MGAM: variants seen among roughly 807,000 people sequenced by gnomAD.
MGAM encodes maltase-glucoamylase, also known as alpha-1,4-glucosidase.
MGAM carries 253 observed loss-of-function variants against 358.8 expected under a neutral mutation model. The observed-to-expected ratio is 0.71, with a 90% CI of 0.64 to 0.78. MGAM has a LOEUF of 0.78. Ranked by LOEUF, MGAM falls within the 30% of genes least tolerant of loss-of-function variation. MGAM has a pLI of 0.00. For synonymous variants in MGAM, 1,105 were observed against 1,227.1 expected, an observed-to-expected ratio of 0.90 and a Z score of 2.08; for missense variants, 3,080 against 3,432.6, an observed-to-expected ratio of 0.90 and a Z score of 2.57.
chr7:142,043,728 T>TATAATATATACATTATATACACATACGAC (rs1563151735), intron 21 of MGAM, among the ~76,000 whole-genome samples: 1 of 85,376 alleles, frequency 1.2e-5, no homozygotes, highest in African/African-American at 3.6e-5. Flanking sequence ...ATATGTAATA[T>TATAATATATACATTATATACACATACGAC]ATAATATATA....
chr7:142,062,923 G>T (rs983131654), intron 35 of MGAM, among the ~76,000 whole-genome samples: 4 of 152,202 alleles, frequency 2.6e-5, no homozygotes, highest in Non-Finnish European at 5.9e-5. Context: ...GCGGGACCAG[G>T]CGTGGTGGTT....
chr7:142,038,482 C>A, intron 18 of MGAM, 49 bp from the exon 19 acceptor site: 1 of 1,408,990 alleles, frequency 7.1e-7, no homozygotes, highest in Non-Finnish European at 9.8e-7. Flanking sequence ...TGCTACAAAT[C>A]TCATTGGCAG....
In MGAM at chr7:142,098,048, CTCTG is replaced by C. The variant is rs537452297; in HGVS notation, c.7749+403_7749+406del. On this transcript the variant is annotated intron_variant, in intron 66 of 70. Coordinates refer to ENST00000475668, the MANE Select transcript of MGAM (RefSeq NM_001365693.1). ...TTTGTAAGCATAGAGGCCTTTTTGT[CTCTG>C]TCTTTTTATTAAATATCTCCTTCCA... Among the ~76,000 whole-genome samples, 250 of 152,100 alleles carry C rather than the reference CTCTG, an allele frequency of 1.6e-3. 4 individuals carry two copies. Among genetic ancestry groups the C allele is most frequent in the African/African-American group, 5.9e-3 (245 of 41,510 alleles).
chr7:141,986,612 G>A (rs1217421857), intron 2 of MGAM, among the ~76,000 whole-genome samples: 1 of 152,088 alleles, frequency 6.6e-6, no homozygotes, highest in Non-Finnish European at 1.5e-5. Flanking sequence ...GGGGACTGAG[G>A]GGAAATATAC....
chr7:141,995,471 A>G (rs1297040120), upstream of MGAM, among the ~76,000 whole-genome samples: 1 of 152,232 alleles, frequency 6.6e-6, no homozygotes, highest in Non-Finnish European at 1.5e-5. Flanking sequence ...TTCCATCACA[A>G]TCATCAGATT....
chr7:142,042,871 C>T (rs190413043), intron 21 of MGAM, among the ~76,000 whole-genome samples: 3,270 of 30,714 alleles, frequency 0.11, 109 homozygotes, highest in Non-Finnish European at 0.16. Flanking sequence ...ATAATATCTA[C>T]ATTATATATA....
intron 65 of MGAM, among the ~76,000 whole-genome samples, 161 bp downstream of exon 65, chr7:142,096,576 T>A (rs1276897504): frequency 6.6e-6 from 1 of 152,232 alleles, no homozygotes; most frequent in Non-Finnish European, 1.5e-5. Context: ...CACTTAGGTG[T>A]TCTTGGCCTC....
rs201786618 is a variant in MGAM, at chr7:142,038,570, G to T, written c.2271G>T (p.Gln757His). The change falls in exon 19 of 71, where the codon CAG (glutamine) becomes CAT (histidine). Residue 757 changes from glutamine (Q) to histidine (H), a missense_variant. Physicochemically the swap from Gln to His is conservative, Grantham distance 24. Around this residue, in one of 5 missense-constraint regions of MGAM, gnomAD observed 1,816 missense variants for 1,840.5 expected, o/e 0.99. Transcript: ENST00000475668. ...ACAGCACTTGGGATGTGCACCAACAGTTCTTATGGGGGCCCGGCCTCCTCA... is the reference window on the plus strand; with the variant it reads ...ACAGCACTTGGGATGTGCACCAACATTTCTTATGGGGGCCCGGCCTCCTCA... ...EDNSTWDVHQQFLWGPGLLIT... is the reference protein window; with the variant it reads ...EDNSTWDVHQHFLWGPGLLIT... The T allele has an allele frequency of 1.0e-4, 161 of 1,611,612 alleles. No individual in the cohort carries two copies. Among genetic ancestry groups the T allele is most frequent in the Non-Finnish European group, 1.3e-4 (155 of 1,178,924 alleles).
At chr7:142,027,462 G>A in intron 9 of MGAM, 148 bp from the exon 10 acceptor site, 1 of 966,904 alleles carries the variant, frequency 1.0e-6, no homozygotes, top group Non-Finnish European at 1.5e-6. Context: ...CATTTATGAA[G>A]GGGCTGGAAA....
rs1221767736 is a variant in MGAM, at chr7:142,041,882, ACGTATAATATAT to A, written c.2498+1037_2498+1048del. The stretch of plus-strand genomic sequence containing the variant: ...CATTTTATATATATATTATATATAT[ACGTATAATATAT>A]AATATATATATTATATATATACGTA... On this transcript the variant is annotated intron_variant, in intron 21 of 70. Transcript: ENST00000475668. Among the ~76,000 whole-genome samples, 7 of 71,126 alleles carry A rather than the reference ACGTATAATATAT, an allele frequency of 9.8e-5. No homozygotes were observed. The East Asian group carries it at 2.0e-3, about 21-fold the overall frequency. 46.7% of individuals were successfully genotyped at this position (71,126 alleles called of 152,430 possible).
intron 57 of MGAM, among the ~76,000 whole-genome samples, chr7:142,089,236 C>T (rs1347122475): frequency 2.1e-5 from 3 of 145,976 alleles, no homozygotes; most frequent in African/African-American, 7.3e-5. Context: ...GGCAACACTG[C>T]CATCCTGAGG....
chr7:142,051,475 G>A (rs1193008872), intron 24 of MGAM, among the ~76,000 whole-genome samples: 1 of 152,112 alleles, frequency 6.6e-6, no homozygotes, highest in Non-Finnish European at 1.5e-5. Context: ...CTCCAGACAA[G>A]TGAGAACTTT....
chr7:142,086,834 G>A lies in MGAM; in HGVS notation c.6810+117G>A. On this transcript the variant is annotated intron_variant, in intron 57 of 70. Transcript: ENST00000475668. ...GGGCTTGGCAAGGGAGAAACACTTA[G>A]GGCATGTGTGTTGGATGTCAGTCTG... is the stretch of plus-strand genomic sequence containing the variant. 2 of 479,498 alleles carry A rather than the reference G, an allele frequency of 4.2e-6. 1 individual carries two copies. Among genetic ancestry groups the A allele is most frequent in the South Asian group, 5.3e-5 (2 of 37,842 alleles). 29.7% of individuals were successfully genotyped at this position (479,498 alleles called of 1,614,324 possible).
At chr7:142,043,868 TATACACATAC>T (rs1809490804) in intron 21 of MGAM, among the ~76,000 whole-genome samples, 2 of 116,008 alleles carry the variant, frequency 1.7e-5, no homozygotes, top group African/African-American at 5.8e-5. Context: ...ATATACATTA[TATACACATAC>T]GACGTATAAT....
At chr7:142,088,752 T>A (rs1218793978) in intron 57 of MGAM, among the ~76,000 whole-genome samples, 1 of 21,798 alleles carries the variant, frequency 4.6e-5, no homozygotes, top group African/African-American at 1.2e-4. Context: ...TGTCTGTCTA[T>A]CTATCTATCT....
chr7:142,027,807 T>G, intron 10 of MGAM, 72 bp downstream of exon 10: 1 of 1,398,910 alleles, frequency 7.1e-7, no homozygotes. Context: ...CTGTTTATAT[T>G]TTCTCTCCCT....
In MGAM at chr7:142,063,414, A is replaced by G. The variant is rs1812418193; in HGVS notation, c.4258-85A>G. Reference sequence around the variant, plus strand: ...CTACAGAGATTACTGGATGTTGAACAATTTATTCACTACTTCCTTGGCTCA... The same window carrying G: ...CTACAGAGATTACTGGATGTTGAACGATTTATTCACTACTTCCTTGGCTCA... On this transcript the variant is annotated intron_variant, in intron 35 of 70. Transcript: ENST00000475668. 2.0e-6 allele frequency: 3 copies of G among 1,501,508 alleles called. No homozygotes were observed. In the Admixed American group the frequency reaches 5.9e-5, roughly 29 times the overall value. 93.0% of individuals were successfully genotyped at this position (1,501,508 alleles called of 1,614,324 possible).
At position 142,030,381 on chromosome 7, in the gene MGAM, T is replaced by C. The variant is rs1807366213; in HGVS notation, c.1241T>C (p.Ile414Thr). The C allele has an allele frequency of 1.2e-6, 2 of 1,613,272 alleles. No homozygotes were observed. The highest frequency in any genetic ancestry group is 1.7e-6 in the Non-Finnish European group (2 of 1,179,566). The change falls in exon 11 of 71, where the codon ATT (isoleucine) becomes ACT (threonine). Residue 414 changes from isoleucine (I) to threonine (T), a missense_variant. Physicochemically the swap from Ile to Thr is moderately conservative, Grantham distance 89 (BLOSUM62 -1). Coordinates refer to ENST00000475668, the MANE Select transcript of MGAM (RefSeq NM_001365693.1). ...QLPYDVQHAD[I>T]DYMDERRDFT... ...TTTCAGGATGTTCAGCATGCTGATA[T>C]TGATTATATGGATGAGAGAAGGGAC...
intron 1 of MGAM, among the ~76,000 whole-genome samples, chr7:142,003,155 A>G (rs1554451216): frequency 6.6e-6 from 1 of 152,124 alleles, no homozygotes; most frequent in East Asian, 1.9e-4. Context: ...AAAGCAATCT[A>G]CAGATTCAGT....
Sources: allele counts gnomAD v4.1 joint callset (sites outside exome capture counted in the v4.1 genomes callset), GRCh38; gene constraint gnomAD v4.1.1; regional missense constraint gnomAD v4.1.1; transcripts MANE v1.5; gene names NCBI Gene and HGNC (gene_info 2026-07-23, HGNC 2026-07-21).